Variants in KLHDC1 observed in about 807,000 individuals in gnomAD.
KLHDC1 encodes the protein kelch domain containing 1, also known as kelch domain-containing protein 1.
KLHDC1 carries 53 observed loss-of-function variants against 68.3 expected under a neutral mutation model. The observed-to-expected ratio is 0.78, with a 90% confidence interval of 0.62 to 0.98. The LOEUF (loss-of-function observed/expected upper bound fraction) is 0.98. KLHDC1 is among the 50% of genes least tolerant of loss of function. The pLI is 0.00. For missense variants in KLHDC1, 470 were observed against 492.3 expected, an observed-to-expected ratio of 0.95 and a Z score of 0.43; for synonymous variants, 148 against 159.0, an observed-to-expected ratio of 0.93 and a Z score of 0.52.
intron 11 of KLHDC1, 47 bp downstream of exon 11, chr14:49,740,229 T>G: frequency 8.8e-7 from 1 of 1,136,182 alleles, no homozygotes; most frequent in Non-Finnish European, 1.3e-6. Context: ...AGTTGTGTTA[T>G]TCACACTAAA....
chr14:49,723,438 A>G (rs967822464), intron 4 of KLHDC1, among the ~76,000 whole-genome samples: 1 of 152,040 alleles, frequency 6.6e-6, no homozygotes, highest in African/African-American at 2.4e-5. Context: ...GGTCTGAGGC[A>G]GGAGGACTGC....
At chr14:49,698,638 C>T (rs1306336699) in intron 1 of KLHDC1, among the ~76,000 whole-genome samples, 2 of 151,924 alleles carry the variant, frequency 1.3e-5, no homozygotes, top group African/African-American at 4.8e-5. Flanking sequence ...GCCTCAGCCT[C>T]CCAAGAAGCT....
chr14:49,743,847 A>G, intron 12 of KLHDC1, 42 bp downstream of exon 12: 1 of 1,147,416 alleles, frequency 8.7e-7, no homozygotes, highest in Non-Finnish European at 1.3e-6. Context: ...CTATGAGTAT[A>G]TGATAATTTC....
intron 4 of KLHDC1, among the ~76,000 whole-genome samples, chr14:49,713,848 ATATT>A (rs1888294859): frequency 2.0e-5 from 1 of 50,154 alleles, no homozygotes; most frequent in African/African-American, 8.9e-5. Flanking sequence ...ATATATATAT[ATATT>A]TTTTTTTTTT....
intron 6 of KLHDC1, among the ~76,000 whole-genome samples, chr14:49,728,667 C>T (rs1888729435): frequency 6.6e-6 from 1 of 152,036 alleles, no homozygotes. Context: ...TACATGAAAC[C>T]TTATTTTGCT....
At chr14:49,744,292 A>G (rs905524817) in intron 12 of KLHDC1, among the ~76,000 whole-genome samples, 4 of 150,530 alleles carry the variant, frequency 2.7e-5, no homozygotes, top group African/African-American at 9.8e-5. Flanking sequence ...GCCTGTATAT[A>G]TGTGTGTGTG....
rs188105506 is a variant in KLHDC1, at chr14:49,720,791, T to G, written c.405-3083T>G. ...TTTTCTTTATGTTTTAATTTGGATA[T>G]TTTTTGTGAATCTATTGACTTGTCT... On this transcript the variant is annotated intron_variant, in intron 4 of 12. Coordinates refer to ENST00000359332, the MANE Select transcript of KLHDC1 (RefSeq NM_172193.3). Among the ~76,000 whole-genome samples the G allele has an allele frequency of 3.0e-3, 454 of 152,346 alleles. 3 individuals are homozygous for G. The highest frequency in any genetic ancestry group is 0.011 in the African/African-American group (439 of 41,580).
intron 4 of KLHDC1, among the ~76,000 whole-genome samples, chr14:49,718,757 TTTTC>T (rs756078539): frequency 9.3e-5 from 8 of 86,286 alleles, no homozygotes; most frequent in African/African-American, 3.2e-4. Context: ...TTTCTTTTTC[TTTTC>T]TTTCTTTCTT....
At chr14:49,701,616 G>A (rs999891271) in intron 1 of KLHDC1, among the ~76,000 whole-genome samples, 25 of 151,932 alleles carry the variant, frequency 1.6e-4, no homozygotes, top group African/African-American at 2.4e-4. Flanking sequence ...CCGAGATTGC[G>A]CCATTGCACT....
rs2139761218 is a variant in KLHDC1 at position 49,734,652 on chromosome 14, C to T, written c.887C>T (p.Thr296Ile). 6 of 1,579,712 alleles carry T rather than the reference C, an allele frequency of 3.8e-6. No homozygotes were observed. Among genetic ancestry groups the T allele is most frequent in the Non-Finnish European group, 5.2e-6 (6 of 1,155,224 alleles). The part of the protein sequence containing the change: ...CWKQLTHLPK[T>I]RPRLWHTACL... ...AAACAACTTACACATTTACCTAAAACAAGACCTAGGTAAGTCAAGAAATTG... is the reference window on the plus strand; with the variant it reads ...AAACAACTTACACATTTACCTAAAATAAGACCTAGGTAAGTCAAGAAATTG... The change falls in exon 10 of 13, where the codon ACA (threonine) becomes ATA (isoleucine). Residue 296 changes from threonine to isoleucine, a missense_variant. Physicochemically the swap from Thr to Ile is moderately conservative, Grantham distance 89. Transcript: ENST00000359332.
chr14:49,727,733 C>G lies in KLHDC1; in HGVS notation c.568-1193C>G, dbSNP rs577072446. 5.9e-5 allele frequency among the ~76,000 whole-genome samples: 9 copies of G among 152,240 alleles called. No homozygotes were observed. The East Asian group carries it at 1.7e-3, about 29-fold the overall frequency. On this transcript the variant is annotated intron_variant, in intron 6 of 12. Transcript: ENST00000359332. ...TGGGAACCAAAATTCTTAAGTGGTT[C>G]TCATTTAAGTGTTATATAGGTAATA...
intron 6 of KLHDC1, among the ~76,000 whole-genome samples, chr14:49,726,739 G>C (rs1242580615): frequency 6.6e-6 from 1 of 152,136 alleles, no homozygotes; most frequent in Non-Finnish European, 1.5e-5. Context: ...AAAGTAGAAG[G>C]AAGAGCCACA....
intron 6 of KLHDC1, among the ~76,000 whole-genome samples, chr14:49,727,597 AATTTCAG>A (rs954810789): frequency 1.3e-5 from 2 of 152,186 alleles, no homozygotes; most frequent in African/African-American, 4.8e-5. Context: ...CCAGGCAATA[AATTTCAG>A]ATTTCCAGTA....
At chr14:49,693,748 C>CTTTTTTTTTTGTTTTTTTTTTTTTTTTTT (rs1887646764) in intron 1 of KLHDC1, among the ~76,000 whole-genome samples, 1 of 61,540 alleles carries the variant, frequency 1.6e-5, no homozygotes, top group African/African-American at 5.4e-5. Context: ...TTTTCTTTTT[C>CTTTTTTTTTTGTTTTTTTTTTTTTTTTTT]TTTTTTTTTT....
intron 4 of KLHDC1, among the ~76,000 whole-genome samples, chr14:49,714,764 CATATA>C (rs1566603724): frequency 1.3e-5 from 2 of 150,624 alleles, no homozygotes; most frequent in African/African-American, 2.4e-5. Context: ...TACTCTGACT[CATATA>C]CTATACTATA....
intron 4 of KLHDC1, among the ~76,000 whole-genome samples, chr14:49,715,970 C>T (rs535945989): frequency 5.3e-4 from 80 of 151,744 alleles, no homozygotes; most frequent in African/African-American, 1.8e-3. Flanking sequence ...ATGGTTGTAA[C>T]GAGTATTTCA....
At position 49,715,612 on chromosome 14, in the gene KLHDC1, G is replaced by A. The variant is rs572022994; in HGVS notation, c.404+5231G>A. ...ATACAAAAATTAGCTGGGTGCAGTG[G>A]CAGGTACCTGTAGTTCCACCTACTT... On this transcript the variant is annotated intron_variant, in intron 4 of 12. Coordinates refer to ENST00000359332, the MANE Select transcript of KLHDC1 (RefSeq NM_172193.3). Among the ~76,000 whole-genome samples the A allele has an allele frequency of 3.3e-4, 49 of 150,346 alleles. 1 individual carries two copies. In the East Asian group the frequency reaches 7.7e-3, roughly 24 times the overall value.
At chr14:49,742,727 A>G (rs111592997) in intron 11 of KLHDC1, among the ~76,000 whole-genome samples, 5,307 of 151,674 alleles carry the variant, frequency 0.035, 319 homozygotes, top group African/African-American at 0.12. Context: ...CACCTGGAAA[A>G]GGAGGACAAG....
chr14:49,729,765 G>A (rs1888758123), intron 8 of KLHDC1, among the ~76,000 whole-genome samples: 1 of 152,158 alleles, frequency 6.6e-6, no homozygotes, highest in African/African-American at 2.4e-5. Context: ...TTATATAAAA[G>A]TACTGGTTTT....
Sources: gnomAD v4.1 joint callset for allele counts (sites outside exome capture counted in the v4.1 genomes callset) on GRCh38, gnomAD v4.1.1 for gene constraint, MANE v1.5 for transcripts, NCBI Gene and HGNC (gene_info 2026-07-23, HGNC 2026-07-21) for gene names.